Variants in SUPT5H observed in about 807,000 individuals in gnomAD.
SUPT5H encodes SPT5 homolog, DSIF elongation factor subunit.
SUPT5H carries 24 observed loss-of-function variants against 142.5 expected under a neutral mutation model. The observed-to-expected ratio is 0.17, with a 90% CI of 0.12 to 0.24. The LOEUF is 0.24. SUPT5H is among the 10% of genes least tolerant of loss of function. The pLI is 1.00. For missense variants in SUPT5H, 893 were observed against 1,471.8 expected (o/e 0.61, Z 6.43); for synonymous variants, 546 against 553.0 (o/e 0.99, Z 0.18).
intron 10 of SUPT5H, 64 bp downstream of exon 10, chr19:39,460,024 T>C: frequency 6.4e-7 from 1 of 1,559,266 alleles, no homozygotes; most frequent in South Asian, 1.1e-5. Context: ...AAGAACATTG[T>C]CAACTTCAGG....
chr19:39,448,559 A>AC (rs112178367), intron 2 of SUPT5H, among the ~76,000 whole-genome samples: 14,051 of 150,698 alleles, frequency 0.093, 2,063 homozygotes, highest in African/African-American at 0.31. Context: ...ACCATACTTG[A>AC]CCCCCCACCC....
intron 2 of SUPT5H, among the ~76,000 whole-genome samples, chr19:39,450,658 G>A (rs2079010055): frequency 6.6e-6 from 1 of 152,228 alleles, no homozygotes; most frequent in African/African-American, 2.4e-5. Flanking sequence ...TTAGATTACA[G>A]TTTTCTAAGA....
chr19:39,469,457 T>G lies in SUPT5H; in HGVS notation c.1374+59T>G. On this transcript the variant is annotated intron_variant, in intron 16 of 29. Coordinates refer to ENST00000432763, the MANE Select transcript of SUPT5H (RefSeq NM_001111020.3). This position sits in a 1 kb window ranked among gnomAD's most constrained non-coding sequence, Gnocchi z 5.1. ...GTGTTCAGGCACATCTGACTGTATG[T>G]GGCTGTCGAGGCGGTGGTGTGCCTG... is the stretch of plus-strand genomic sequence containing the variant. 6.2e-7 allele frequency: 1 copy of G among 1,608,552 alleles called. No individual in the cohort carries two copies. The highest frequency in any genetic ancestry group is 8.5e-7 in the Non-Finnish European group (1 of 1,175,922).
At position 39,471,644 on chromosome 19, in the gene SUPT5H, G is replaced by A. The variant is rs374491321; in HGVS notation, c.1864G>A (p.Ala622Thr). ...GATTCGCCATCTCTTCCGAAGCTTC[G>A]CCTTCCTACATTGCAAGAAACTGGT... ...GEIRHLFRSF[A>T]FLHCKKLVEN... is the part of the protein sequence containing the mutation. The change falls in exon 20 of 30, where the codon GCC becomes ACC. Residue 622 changes from alanine (A) to threonine (T), a missense_variant. Transcript: ENST00000432763. The A allele has an allele frequency of 1.7e-5, 27 of 1,614,092 alleles. No homozygotes were observed. Among genetic ancestry groups the A allele is most frequent in the Non-Finnish European group, 4.2e-6 (5 of 1,180,048 alleles).
In SUPT5H at chr19:39,474,152, C is replaced by T; in HGVS notation, c.2651+31C>T. The stretch of plus-strand genomic sequence containing the variant: ...TCCACTGGGGCCTGCCCTCGTCTAC[C>T]CCTGCCCAAACCCTCCTACTGCCAC... On this transcript the variant is annotated intron_variant, in intron 26 of 29. Transcript: ENST00000432763. The surrounding 1 kb of genome is among the most constrained non-coding windows in gnomAD (Gnocchi z 6.5). 1 of 1,607,648 alleles carries T rather than the reference C, an allele frequency of 6.2e-7. No individual in the cohort carries two copies.
At chr19:39,450,213 A>G (rs1396135851) in intron 2 of SUPT5H, among the ~76,000 whole-genome samples, 1 of 152,040 alleles carries the variant, frequency 6.6e-6, no homozygotes, top group African/African-American at 2.4e-5. Context: ...TGTTGGGATT[A>G]CAGGTGTGAG....
chr19:39,471,353 G>A lies in SUPT5H; in HGVS notation c.1678-4G>A. ...CCCACAGCCTCCCTGCTCTCCCTCT[G>A]TAGGTGCTGAACATGTACGGGAAGG... is the stretch of plus-strand genomic sequence containing the variant. On this transcript the variant is annotated splice_polypyrimidine_tract_variant and splice_region_variant and intron_variant, in intron 18 of 29. Coordinates refer to ENST00000432763, the MANE Select transcript of SUPT5H (RefSeq NM_001111020.3). 1 of 1,614,168 alleles carries A rather than the reference G, an allele frequency of 6.2e-7. No homozygotes were observed. Among genetic ancestry groups the A allele is most frequent in the Non-Finnish European group, 8.5e-7 (1 of 1,180,022 alleles).
At chr19:39,454,248 T>C (rs577817039) in intron 3 of SUPT5H, among the ~76,000 whole-genome samples, 1 of 152,182 alleles carries the variant, frequency 6.6e-6, no homozygotes, top group Non-Finnish European at 1.5e-5. Flanking sequence ...GGAGCTGTAG[T>C]TTTTTCATCG....
chr19:39,461,299 A>AG lies in SUPT5H; in HGVS notation c.624+1344dup, dbSNP rs145477463. Among the ~76,000 whole-genome samples the AG allele has an allele frequency of 5.2e-3, 793 of 151,858 alleles. 8 individuals carry two copies. The highest frequency in any genetic ancestry group is 0.018 in the African/African-American group (744 of 41,410). On this transcript the variant is annotated intron_variant, in intron 10 of 29. Coordinates refer to ENST00000432763, the MANE Select transcript of SUPT5H (RefSeq NM_001111020.3). ...AGTGAGACTCCGTCTCGGGGTGGGT[A>AG]GGGGGTGGAATGTCTTCCTCATTAT... is the stretch of plus-strand genomic sequence containing the variant.
chr19:39,472,753 G>T lies in SUPT5H; in HGVS notation c.2036-57G>T. ...AGCAAGTGAAGGGGACGTTCTGATG[G>T]TGCCCTTGCTGTGGGCACAGCCGTG... On this transcript the variant is annotated intron_variant, in intron 21 of 29. Coordinates refer to ENST00000432763, the MANE Select transcript of SUPT5H (RefSeq NM_001111020.3). This position sits in a 1 kb window ranked among gnomAD's most constrained non-coding sequence, Gnocchi z 4.2. 4 of 1,569,656 alleles carry T rather than the reference G, an allele frequency of 2.5e-6. No homozygotes were observed. The South Asian group carries it at 4.8e-5, about 19-fold the overall frequency.
chr19:39,464,575 A>G (rs915851195), intron 10 of SUPT5H, among the ~76,000 whole-genome samples: 4 of 152,208 alleles, frequency 2.6e-5, no homozygotes, highest in Non-Finnish European at 5.9e-5. Flanking sequence ...ACATTAAGCC[A>G]TAAGTTAACT....
chr19:39,473,545 C>T lies in SUPT5H; in HGVS notation c.2492+24C>T, dbSNP rs1175338211. 4 of 1,592,712 alleles carry T rather than the reference C, an allele frequency of 2.5e-6. No homozygotes were observed. The highest frequency in any genetic ancestry group is 2.2e-5 in the East Asian group (1 of 44,776). ...CGGTGAGTCCAGGGTTCCCCAGGTT[C>T]TGGTGTGTGCTGGTGTGTGTGAGGG... On this transcript the variant is annotated intron_variant, in intron 25 of 29. Transcript: ENST00000432763. This position sits in a 1 kb window ranked among gnomAD's most constrained non-coding sequence, Gnocchi z 5.8.
chr19:39,453,178 G>T (rs754073982), intron 2 of SUPT5H, among the ~76,000 whole-genome samples, 178 bp from the exon 3 acceptor site: 4 of 152,134 alleles, frequency 2.6e-5, no homozygotes, highest in Admixed American at 1.3e-4. Context: ...TGGCAGTGCT[G>T]TCGCTGAGAT....
intron 2 of SUPT5H, among the ~76,000 whole-genome samples, chr19:39,451,354 GTT>G (rs74889413): frequency 7.0e-6 from 1 of 142,026 alleles, no homozygotes. Flanking sequence ...GCCTGGCTAG[GTT>G]TTTTTTTTTT....
At chr19:39,455,550 C>T (rs1296804355) in intron 3 of SUPT5H, among the ~76,000 whole-genome samples, 1 of 150,886 alleles carries the variant, frequency 6.6e-6, no homozygotes, top group Non-Finnish European at 1.5e-5. Flanking sequence ...GAGCAAGACT[C>T]GGTCTAAACA....
intron 10 of SUPT5H, among the ~76,000 whole-genome samples, chr19:39,461,831 A>AT (rs1182839160): frequency 9.4e-6 from 1 of 106,874 alleles, no homozygotes; most frequent in African/African-American, 3.4e-5. Context: ...CAAAAAAAAA[A>AT]AAAAAAAAAT....
chr19:39,458,440 A>G lies in SUPT5H; in HGVS notation c.319+135A>G. On this transcript the variant is annotated intron_variant, in intron 5 of 29. Coordinates refer to ENST00000432763, the MANE Select transcript of SUPT5H (RefSeq NM_001111020.3). The surrounding 1 kb of genome is among the most constrained non-coding windows in gnomAD (Gnocchi z 4.2). The stretch of plus-strand genomic sequence containing the variant: ...CCCTGAGGGCTCTGACCCATGTAGG[A>G]TCCAGAGTCAGGGAGTTCTGGGGCC... The G allele has an allele frequency of 6.7e-7, 1 of 1,483,268 alleles. No individual in the cohort carries two copies. The highest frequency in any genetic ancestry group is 9.1e-7 in the Non-Finnish European group (1 of 1,101,478). The allele number at this position is 1,483,268 out of a possible 1,614,324, so 91.9% of individuals were successfully genotyped here. A position where few individuals can be genotyped will look rare whatever the true frequency, so the allele number is the denominator to read the frequency against.
Position 39,473,370 on chromosome 19 carries a change from A to G in SUPT5H, c.2386+40A>G. On this transcript the variant is annotated intron_variant, in intron 24 of 29. Transcript: ENST00000432763. This position sits in a 1 kb window ranked among gnomAD's most constrained non-coding sequence, Gnocchi z 5.8. ...GGGACAGGGAAGAGGGGCTAGGGGG[A>G]CCTAGAGAAGGGACAGGACAGACAC... 1.2e-6 allele frequency: 2 copies of G among 1,613,242 alleles called. No homozygotes were observed. Among genetic ancestry groups the G allele is most frequent in the Non-Finnish European group, 1.7e-6 (2 of 1,179,820 alleles).
rs769209085 is a variant in SUPT5H at position 39,458,907 on chromosome 19, G to C, written c.389+20G>C. The C allele has an allele frequency of 1.9e-6, 3 of 1,613,810 alleles. No individual in the cohort carries two copies. The Admixed American group carries it at 5.0e-5, about 27-fold the overall frequency. ...CTGGAGGTGGGCAAGGAAGGGAAACGTGGTGGGATTGGCTCCTGTGGGGAG... is the reference window on the plus strand; with the variant it reads ...CTGGAGGTGGGCAAGGAAGGGAAACCTGGTGGGATTGGCTCCTGTGGGGAG... On this transcript the variant is annotated intron_variant, in intron 6 of 29. Coordinates refer to ENST00000432763, the MANE Select transcript of SUPT5H (RefSeq NM_001111020.3). The surrounding 1 kb of genome is among the most constrained non-coding windows in gnomAD (Gnocchi z 4.2).
Sources: gnomAD v4.1 joint callset for allele counts (sites outside exome capture counted in the v4.1 genomes callset) on GRCh38, gnomAD v4.1.1 for gene constraint, Gnocchi (gnomAD v3.1) non-coding constraint, MANE v1.5 for transcripts, NCBI Gene and HGNC (gene_info 2026-07-23, HGNC 2026-07-21) for gene names.